Variants in ZNF878 observed in about 807,000 individuals in gnomAD.
The protein encoded by ZNF878 is zinc finger protein 878.
In ZNF878, 10 loss-of-function variants were observed where a neutral mutation model predicts 11.1. That is an observed-to-expected ratio of 0.90 (90% CI 0.56 to 1.53). The LOEUF (loss-of-function observed/expected upper bound fraction) is 1.53, where lower values mean the gene tolerates loss of function less well. Among genes scored for constraint, ZNF878 ranks in the 40% most tolerant of loss-of-function variants. The pLI is 0.00. For missense variants in ZNF878, 548 were observed against 626.1 expected (o/e 0.88, Z 1.33); for synonymous variants, 165 against 209.7 (o/e 0.79, Z 1.84).
In ZNF878 at chr19:12,044,706, C is replaced by T. The variant is rs369438304; in HGVS notation, c.695G>A (p.Cys232Tyr). The change falls in exon 4 of 4, where the codon TGT (cysteine) becomes TAT (tyrosine). Residue 232 changes from cysteine to tyrosine, a missense_variant. Physicochemically the swap from Cys to Tyr is radical, Grantham distance 194 (BLOSUM62 -2). This residue lies in a region of ZNF878 where 335 missense variants were observed against 358.2 expected (regional missense o/e 0.94). Coordinates refer to ENST00000547628, the MANE Select transcript of ZNF878 (RefSeq NM_001080404.3). ...TGERPHKCNI[C>Y]GKAFFSPSSL... ...ACTGGGAGAAAAAAAGGCTTTCCCA[C>T]ATATGTTACATTTATGAGGTCTCTC... 6.2e-6 allele frequency: 10 copies of T among 1,614,014 alleles called. No homozygotes were observed. Among genetic ancestry groups the T allele is most frequent in the African/African-American group, 1.3e-5 (1 of 74,904 alleles).
chr19:12,043,755 T>A (rs753652207), downstream of ZNF878: 3 of 1,491,686 alleles, frequency 2.0e-6, no homozygotes, highest in Non-Finnish European at 2.7e-6. Flanking sequence ...CATTTGAAGT[T>A]CTGAGTCCCA....
rs1401426482 is a variant in ZNF878, at chr19:12,044,246, A to G, written c.1155T>C (p.His385=). The G allele has an allele frequency of 3.1e-6, 5 of 1,613,920 alleles. No individual in the cohort carries two copies. The Admixed American group carries it at 6.7e-5, about 22-fold the overall frequency. The change falls in exon 4 of 4, where the codon CAT becomes CAC. Residue 385 remains histidine, a synonymous_variant. Transcript: ENST00000547628. ...GTTTCTCTCCAGTGTGAGTCCTTTC[A>G]TGATAGTGAAAGGAATTGGAAGAAG... The part of the protein sequence containing the change: ...TFTSSNSFHY[H]ERTHTGEKPY...
intron 1 of ZNF878, 113 bp downstream of exon 1, chr19:12,052,686 T>G: frequency 7.4e-7 from 1 of 1,353,446 alleles, no homozygotes; most frequent in Non-Finnish European, 9.9e-7. Context: ...AGGGGGACTG[T>G]GTCTGGAGCC....
In ZNF878 at chr19:12,044,997, C is replaced by A. The variant is rs753732898; in HGVS notation, c.404G>T (p.Arg135Ile). 1 of 1,614,152 alleles carries A rather than the reference C, an allele frequency of 6.2e-7. No homozygotes were observed. Among genetic ancestry groups the A allele is most frequent in the East Asian group, 2.2e-5 (1 of 44,874 alleles). The change falls in exon 4 of 4, where the codon AGA becomes ATA. Residue 135 changes from arginine to isoleucine, a missense_variant. This residue lies in a region of ZNF878 where 160 missense variants were observed against 173.3 expected (regional missense o/e 0.92). Coordinates refer to ENST00000547628, the MANE Select transcript of ZNF878 (RefSeq NM_001080404.3). ...SYSSSLAIHGRTHTGEKPYEC... is the reference protein window; with the variant it reads ...SYSSSLAIHGITHTGEKPYEC... ...ATAAGGCTTTTCCCCAGTGTGAGTTCTTCCATGTATTGCAAGGCTACTGGA... is the reference window on the plus strand; with the variant it reads ...ATAAGGCTTTTCCCCAGTGTGAGTTATTCCATGTATTGCAAGGCTACTGGA...
chr19:12,044,818 C>T lies in ZNF878; in HGVS notation c.583G>A (p.Ala195Thr). The T allele has an allele frequency of 6.2e-7, 1 of 1,614,114 alleles. No individual in the cohort carries two copies. The highest frequency in any genetic ancestry group is 8.5e-7 in the Non-Finnish European group (1 of 1,180,028). The change falls in exon 4 of 4, where the codon GCA becomes ACA. Residue 195 changes from alanine (A) to threonine (T), a missense_variant. Ala to Thr is a moderately conservative substitution (Grantham distance 58). Coordinates refer to ENST00000547628, the MANE Select transcript of ZNF878 (RefSeq NM_001080404.3). The stretch of plus-strand genomic sequence containing the variant: ...TGCTTACATTCATAGGGTTTTTTTG[C>T]AGAGTGGATTCTTTCATGTCTACGA... ...SVRRHERIHSAKKPYECKQCG... is the reference protein window; with the variant it reads ...SVRRHERIHSTKKPYECKQCG...
rs1386863969 is a variant in ZNF878, at chr19:12,044,478, T to C, written c.923A>G (p.Glu308Gly). Residue 308 changes from glutamate (E) to glycine (G), a missense_variant, in exon 4 of 4, where the codon GAG (glutamate) becomes GGG (glycine). Physicochemically the swap from Glu to Gly is moderately conservative, Grantham distance 98. Around this residue, in one of 3 missense-constraint regions of ZNF878, gnomAD observed 335 missense variants for 358.2 expected, o/e 0.94. Coordinates refer to ENST00000547628, the MANE Select transcript of ZNF878 (RefSeq NM_001080404.3). ...LRVHERKHTG[E>G]KPYECKLCGK... ...ACATAGCTTACACTCATAGGGTTTCTCTCCAGTGTGTTTTCTTTCATGTAC... is the reference window on the plus strand; with the variant it reads ...ACATAGCTTACACTCATAGGGTTTCCCTCCAGTGTGTTTTCTTTCATGTAC... 2 of 1,613,872 alleles carry C rather than the reference T, an allele frequency of 1.2e-6. No individual in the cohort carries two copies. Among genetic ancestry groups the C allele is most frequent in the Non-Finnish European group, 1.7e-6 (2 of 1,179,996 alleles).
intron 1 of ZNF878, among the ~76,000 whole-genome samples, chr19:12,048,604 C>T (rs1975518588): frequency 6.6e-6 from 1 of 151,600 alleles, no homozygotes; most frequent in South Asian, 2.1e-4. Context: ...GAGGCAGGCA[C>T]AGATGGATCA....
At chr19:12,051,416 ATT>A (rs1382810615) in intron 1 of ZNF878, among the ~76,000 whole-genome samples, 3 of 151,748 alleles carry the variant, frequency 2.0e-5, no homozygotes, top group African/African-American at 7.2e-5. Flanking sequence ...CGATAATTAA[ATT>A]TCTTTGTTTT....
At chr19:12,049,459 T>TAAAAAAAAAAA (rs1975529363) in intron 1 of ZNF878, among the ~76,000 whole-genome samples, 1 of 182 alleles carries the variant, frequency 5.5e-3, no homozygotes, top group Non-Finnish European at 0.01. Flanking sequence ...AGACTCCCTC[T>TAAAAAAAAAAA]CAAAAAAAAA....
At chr19:12,047,892 T>C (rs1975510270) in intron 1 of ZNF878, among the ~76,000 whole-genome samples, 1 of 152,224 alleles carries the variant, frequency 6.6e-6, no homozygotes, top group African/African-American at 2.4e-5. Flanking sequence ...TGGCATTATC[T>C]TTCAAATTGG....
chr19:12,048,156 C>T (rs1304071027), intron 1 of ZNF878, among the ~76,000 whole-genome samples: 2 of 152,160 alleles, frequency 1.3e-5, no homozygotes, highest in East Asian at 1.9e-4. Context: ...ATGAAAGGTA[C>T]ATTAATTGCA....
At chr19:12,052,727 C>G in intron 1 of ZNF878, 72 bp downstream of exon 1, 1 of 1,529,382 alleles carries the variant, frequency 6.5e-7, no homozygotes, top group Non-Finnish European at 8.8e-7. Context: ...CCGGGCCCCG[C>G]CACAGCGGGT....
At chr19:12,043,796 A>C (rs1408592391), downstream of ZNF878, 7 of 1,584,368 alleles carry the variant, frequency 4.4e-6, no homozygotes, top group South Asian at 7.0e-5. Flanking sequence ...GCTTACATCC[A>C]TAGAGTTTCT....
At chr19:12,045,444 G>A (rs1157880129) in intron 3 of ZNF878, among the ~76,000 whole-genome samples, 1 of 152,072 alleles carries the variant, frequency 6.6e-6, no homozygotes, top group Non-Finnish European at 1.5e-5. Flanking sequence ...TCAGGAGATC[G>A]AGACCATCCT....
At chr19:12,049,756 G>A (rs1171575066) in intron 1 of ZNF878, among the ~76,000 whole-genome samples, 4 of 151,414 alleles carry the variant, frequency 2.6e-5, no homozygotes, top group Non-Finnish European at 5.9e-5. Context: ...GGCAACAAGA[G>A]CGAAACTCCA....
At chr19:12,046,897 C>G in intron 1 of ZNF878, 137 bp from the exon 2 acceptor site, 1 of 1,315,954 alleles carries the variant, frequency 7.6e-7, no homozygotes, top group Non-Finnish European at 1.0e-6. Flanking sequence ...GTCATCAGAT[C>G]CCTTACTCTG....
rs373583823 is a variant in ZNF878, at chr19:12,044,421, C to T, written c.980G>A (p.Arg327His). 3.2e-5 allele frequency: 52 copies of T among 1,610,862 alleles called. No individual in the cohort carries two copies. The highest frequency in any genetic ancestry group is 1.7e-4 in the Middle Eastern group (1 of 6,040). ...GKGFISSTSF[R>H]YHEKTHTGEK... ...TCCAGTGTGAGTCTTTTCATGATAG[C>T]GAAAGGAAGTGGAAGAAATAAATCC... The change falls in exon 4 of 4, where the codon CGC (arginine) becomes CAC (histidine). Residue 327 changes from arginine to histidine, a missense_variant. Arg to His is a conservative substitution (Grantham distance 29). Transcript: ENST00000547628.
chr19:12,046,991 A>T (rs1297671857), intron 1 of ZNF878, among the ~76,000 whole-genome samples: 1 of 152,132 alleles, frequency 6.6e-6, no homozygotes, highest in Non-Finnish European at 1.5e-5. Flanking sequence ...AATAGGAAAA[A>T]TGTGTGTTTC....
intron 1 of ZNF878, 82 bp from the exon 2 acceptor site, chr19:12,046,842 A>G: frequency 6.3e-7 from 1 of 1,581,170 alleles, no homozygotes; most frequent in Non-Finnish European, 8.6e-7. Flanking sequence ...GGAAGTTCTC[A>G]GGATGCTGTG....
Sources: allele counts gnomAD v4.1 joint callset (sites outside exome capture counted in the v4.1 genomes callset), GRCh38; gene constraint gnomAD v4.1.1; regional missense constraint gnomAD v4.1.1; transcripts MANE v1.5; gene names NCBI Gene and HGNC (gene_info 2026-07-23, HGNC 2026-07-21).